KAT7: variants seen among roughly 807,000 people sequenced by gnomAD.
KAT7 encodes the protein lysine acetyltransferase 7, also known as histone acetyltransferase KAT7.
In KAT7, 10 loss-of-function variants were observed where a neutral mutation model predicts 82.1. The ratio of observed to expected loss-of-function variants is 0.12; its 90% confidence interval spans 0.08 to 0.21. The LOEUF is 0.21. KAT7 is among the 10% of genes least tolerant of loss of function. The probability of loss-of-function intolerance (pLI) is 1.00; values close to 1 mark genes in which losing one functional copy is unlikely to be tolerated. For missense variants in KAT7, 378 were observed against 760.9 expected, an observed-to-expected ratio of 0.50 and a Z score of 5.92; for synonymous variants, 250 against 262.5, an observed-to-expected ratio of 0.95 and a Z score of 0.46.
Position 49,803,586 on chromosome 17 carries a change from G to A in KAT7, c.581-1777G>A, listed in dbSNP as rs185678050. 7.5e-3 allele frequency among the ~76,000 whole-genome samples: 1,131 copies of A among 151,782 alleles called. 10 individuals carry two copies. The highest frequency in any genetic ancestry group is 0.012 in the Non-Finnish European group (819 of 67,950). On this transcript the variant is annotated intron_variant, in intron 4 of 14. Coordinates refer to ENST00000259021, the MANE Select transcript of KAT7 (RefSeq NM_007067.5). ...ACTACAGGCACCCGCCACCACACCC[G>A]GCTAATTTTTTGTATTTTTAGTAGA... is the stretch of plus-strand genomic sequence containing the variant.
At chr17:49,797,594 G>A (rs1003257436) in intron 3 of KAT7, among the ~76,000 whole-genome samples, 25 of 152,176 alleles carry the variant, frequency 1.6e-4, no homozygotes, top group African/African-American at 5.8e-4. Flanking sequence ...CTAGCTGTCC[G>A]CATGGTTGGT....
intron 2 of KAT7, among the ~76,000 whole-genome samples, chr17:49,796,266 T>C (rs2073954730): frequency 6.6e-6 from 1 of 152,224 alleles, no homozygotes; most frequent in Non-Finnish European, 1.5e-5. Flanking sequence ...TCTTTGGTAA[T>C]AGAATATCTG....
In KAT7 at chr17:49,795,408, A is replaced by G. The variant is rs1303127399; in HGVS notation, c.164-1342A>G. ...CCAGACTTTTCCAGAAGTGCTGGAC[A>G]TCGGGCAGCATCTATATCACCTTGA... On this transcript the variant is annotated intron_variant, in intron 2 of 14. Coordinates refer to ENST00000259021, the MANE Select transcript of KAT7 (RefSeq NM_007067.5). The G allele has an allele frequency of 2.8e-5, 7 of 248,214 alleles. 1 individual carries two copies. Among genetic ancestry groups the G allele is most frequent in the East Asian group, 1.9e-4 (2 of 10,652 alleles). The allele number at this position is 248,214 out of a possible 1,614,324, so 15.4% of individuals were successfully genotyped here. A position where few individuals can be genotyped will look rare whatever the true frequency, so the allele number is the denominator to read the frequency against.
chr17:49,790,974 G>T (rs1413911872), intron 1 of KAT7, among the ~76,000 whole-genome samples: 1 of 152,184 alleles, frequency 6.6e-6, no homozygotes, highest in Non-Finnish European at 1.5e-5. Context: ...TCCTCAGGAG[G>T]ATAATAATTG....
chr17:49,826,456 G>T, intron 13 of KAT7: 2 of 518,238 alleles, frequency 3.9e-6, no homozygotes, highest in Non-Finnish European at 6.9e-6. Flanking sequence ...AATTTAGTTT[G>T]ATCTATATTT....
At position 49,829,906 on chromosome 17, in the gene KAT7, A is replaced by C. The variant is rs1193091153; in HGVS notation, c.*2404A>C. 1 of 150,086 alleles carries C rather than the reference A, an allele frequency of 6.7e-6. No individual in the cohort carries two copies. The highest frequency in any genetic ancestry group is 2.5e-5 in the African/African-American group (1 of 40,654). The allele number at this position is 150,086 out of a possible 1,614,324, so 9.3% of individuals were successfully genotyped here. A position where few individuals can be genotyped will look rare whatever the true frequency, so the allele number is the denominator to read the frequency against. ...TTCCGTTTTTTTTTTTTTGAGTCAG[A>C]GTCTGGCTCTGTTGCCCAGGTTGGA... On this transcript the variant is annotated 3_prime_UTR_variant, in exon 15 of 15. Coordinates refer to ENST00000259021, the MANE Select transcript of KAT7 (RefSeq NM_007067.5).
intron 7 of KAT7, among the ~76,000 whole-genome samples, chr17:49,814,246 A>G (rs888435452): frequency 9.8e-5 from 15 of 152,294 alleles, no homozygotes; most frequent in African/African-American, 3.4e-4. Context: ...TTATGAATAC[A>G]TGGACATAGG....
In KAT7 at chr17:49,815,805, A is replaced by T; in HGVS notation, c.855A>T (p.Glu285Asp). 6.3e-7 allele frequency: 1 copy of T among 1,591,796 alleles called. No homozygotes were observed. Among genetic ancestry groups the T allele is most frequent in the Non-Finnish European group, 8.6e-7 (1 of 1,160,874 alleles). ...TCACGCTCTGGTTATTTTCCTAGGA[A>T]CACAGACAGACCTATGGGAACACAC... ...LSKEQKEKYMEHRQTYGNTRE... is the reference protein window; with the variant it reads ...LSKEQKEKYMDHRQTYGNTRE... Residue 285 changes from glutamate (E) to aspartate (D), a missense_variant and splice_region_variant, in exon 8 of 15, where the codon GAA becomes GAT. Around this residue, in one of 6 missense-constraint regions of KAT7, gnomAD observed 102 missense variants for 129.8 expected, o/e 0.79. Transcript: ENST00000259021.
chr17:49,804,544 G>A (rs1465873286), intron 4 of KAT7, among the ~76,000 whole-genome samples: 1 of 152,182 alleles, frequency 6.6e-6, no homozygotes, highest in Non-Finnish European at 1.5e-5. Context: ...GGGAGGCGGA[G>A]GCAGGAAGAT....
At position 49,796,901 on chromosome 17, in the gene KAT7, G is replaced by A. The variant is rs947003468; in HGVS notation, c.315G>A (p.Glu105=). The change falls in exon 3 of 15, where the codon GAG becomes GAA. Residue 105 remains glutamate (E), a synonymous_variant. Transcript: ENST00000259021. ...RQTRSSGSET[E]QVVDFSDRET... is the part of the protein sequence containing the mutation. The stretch of plus-strand genomic sequence containing the variant: ...CTCGTTCATCTGGTTCAGAAACTGA[G>A]CAAGTGGTTGATTTTTCAGATAGAG... The A allele has an allele frequency of 1.2e-6, 2 of 1,614,030 alleles. No homozygotes were observed. Among genetic ancestry groups the A allele is most frequent in the African/African-American group, 2.7e-5 (2 of 74,910 alleles).
chr17:49,815,937 G>A (rs1598079412), intron 8 of KAT7, 24 bp downstream of exon 8: 2 of 1,422,740 alleles, frequency 1.4e-6, no homozygotes, highest in Non-Finnish European at 2.0e-6. Context: ...CCTCCAAACT[G>A]AAGGCCGCTT....
chr17:49,801,099 T>A (rs1310845917), intron 4 of KAT7, among the ~76,000 whole-genome samples: 1 of 152,170 alleles, frequency 6.6e-6, no homozygotes, highest in Non-Finnish European at 1.5e-5. Context: ...ATTGTGTTAT[T>A]TATGCCCAGG....
At position 49,788,821 on chromosome 17, in the gene KAT7, C is replaced by T. The variant is rs767153198; in HGVS notation, c.-14C>T. On this transcript the variant is annotated 5_prime_UTR_variant, in exon 1 of 15. Transcript: ENST00000259021. ...GCTGCCCGAATCGGAACCGTCGGGCCGCAGCCGCCGGCAATGCCGCGAAGG... is the reference window on the plus strand; with the variant it reads ...GCTGCCCGAATCGGAACCGTCGGGCTGCAGCCGCCGGCAATGCCGCGAAGG... 7 of 1,581,978 alleles carry T rather than the reference C, an allele frequency of 4.4e-6. No homozygotes were observed. The Admixed American group carries it at 1.3e-4, about 29-fold the overall frequency.
rs987777908 is a variant in KAT7 at position 49,800,247 on chromosome 17, G to A, written c.580+1689G>A. Reference sequence around the variant, plus strand: ...AGGATGGTCTCGATCTCCTGACCTCGTGATCCGCCCGCCTTGGCCTCCCAA... The same window carrying A: ...AGGATGGTCTCGATCTCCTGACCTCATGATCCGCCCGCCTTGGCCTCCCAA... On this transcript the variant is annotated intron_variant, in intron 4 of 14. Coordinates refer to ENST00000259021, the MANE Select transcript of KAT7 (RefSeq NM_007067.5). 4.0e-5 allele frequency among the ~76,000 whole-genome samples: 6 copies of A among 151,828 alleles called. 1 individual carries two copies. The highest frequency in any genetic ancestry group is 7.2e-5 in the African/African-American group (3 of 41,402).
intron 7 of KAT7, among the ~76,000 whole-genome samples, chr17:49,814,473 C>T (rs549493260): frequency 9.2e-5 from 14 of 152,272 alleles, no homozygotes; most frequent in Admixed American, 1.3e-4. Flanking sequence ...GTGATTGTGA[C>T]GTTCCTTTGA....
rs1463755630 is a variant in KAT7 at position 49,828,278 on chromosome 17, A to G, written c.*776A>G. ...TTTGCCTCACCGTAAAGTACTCACT[A>G]GTAAATATTTCCTTCTCTCTTTACT... On this transcript the variant is annotated 3_prime_UTR_variant, in exon 15 of 15. Transcript: ENST00000259021. 3 of 152,182 alleles carry G rather than the reference A, an allele frequency of 2.0e-5. No individual in the cohort carries two copies. The highest frequency in any genetic ancestry group is 7.2e-5 in the African/African-American group (3 of 41,438). 9.4% of individuals were successfully genotyped at this position (152,182 alleles called of 1,614,324 possible). A position where few individuals can be genotyped will look rare whatever the true frequency, so the allele number is the denominator to read the frequency against.
At chr17:49,801,219 C>G (rs915175852) in intron 4 of KAT7, among the ~76,000 whole-genome samples, 2 of 152,222 alleles carry the variant, frequency 1.3e-5, no homozygotes, top group African/African-American at 4.8e-5. Flanking sequence ...GAGTCTCACT[C>G]TATAATTACC....
intron 7 of KAT7, among the ~76,000 whole-genome samples, chr17:49,812,234 CTTTTTTTTTTTT>C (rs35069050): frequency 8.4e-6 from 1 of 119,130 alleles, no homozygotes; most frequent in African/African-American, 3.1e-5. Context: ...GCTTAAAAAT[CTTTTTTTTTTTT>C]TTTTTTTTGA....
At chr17:49,788,942 C>T in intron 1 of KAT7, 93 bp downstream of exon 1, 1 of 1,196,718 alleles carries the variant, frequency 8.4e-7, no homozygotes, top group East Asian at 2.9e-5. Flanking sequence ...GCTTGGGTCC[C>T]AACTTTCCGC....
Sources: allele counts gnomAD v4.1 joint callset (sites outside exome capture counted in the v4.1 genomes callset), GRCh38; gene constraint gnomAD v4.1.1; regional missense constraint gnomAD v4.1.1; transcripts MANE v1.5; gene names NCBI Gene and HGNC (gene_info 2026-07-23, HGNC 2026-07-21).